TENT2: variants seen among roughly 807,000 people sequenced by gnomAD.
TENT2 encodes the protein terminal nucleotidyltransferase 2, also known as poly(A) RNA polymerase GLD2.
In TENT2, 44 loss-of-function variants were observed where a neutral mutation model predicts 72.2. That is an observed-to-expected ratio of 0.61 (90% CI 0.48 to 0.78). The LOEUF (loss-of-function observed/expected upper bound fraction) is 0.78. Among genes scored for constraint, TENT2 ranks in the 30% least tolerant of loss-of-function variants. The probability of loss-of-function intolerance (pLI) is 0.00; values close to 1 mark genes in which losing one functional copy is unlikely to be tolerated. For missense variants in TENT2, 541 were observed against 569.6 expected, an observed-to-expected ratio of 0.95 and a Z score of 0.51; for synonymous variants, 212 against 192.5, an observed-to-expected ratio of 1.10 and a Z score of -0.84.
intron 1 of TENT2, chr5:79,614,969 G>T (rs976291796): frequency 6.6e-6 from 1 of 152,160 alleles, no homozygotes; most frequent in African/African-American, 2.4e-5. Flanking sequence ...GAACGAATGC[G>T]TCGGAATGAT....
rs916009628 is a variant in TENT2 at position 79,612,629 on chromosome 5, C to G, written c.-484C>G. On this transcript the variant is annotated 5_prime_UTR_variant, in exon 1 of 15. Coordinates refer to ENST00000453514, the MANE Select transcript of TENT2 (RefSeq NM_001114394.3). ...GGTTAGATCTCAGCCGGAGCCGGAG[C>G]TGGGCCTAGCTGTCCCACGGGCCAC... 1 of 153,140 alleles carries G rather than the reference C, an allele frequency of 6.5e-6. No homozygotes were observed. The highest frequency in any genetic ancestry group is 2.4e-5 in the African/African-American group (1 of 41,470). The allele number at this position is 153,140 out of a possible 1,614,324, so 9.5% of individuals were successfully genotyped here.
intron 11 of TENT2, among the ~76,000 whole-genome samples, chr5:79,660,942 C>G (rs1165610279): frequency 6.6e-6 from 1 of 151,630 alleles, no homozygotes; most frequent in Non-Finnish European, 1.5e-5. Context: ...ACTGTGTGGG[C>G]CTAAGCTGAT....
At chr5:79,664,892 T>C (rs1806144166) in intron 11 of TENT2, among the ~76,000 whole-genome samples, 1 of 152,204 alleles carries the variant, frequency 6.6e-6, no homozygotes, top group Admixed American at 6.6e-5. Context: ...ATTAAATGCC[T>C]GCAGCTAATA....
intron 4 of TENT2, among the ~76,000 whole-genome samples, chr5:79,634,105 G>A (rs912873398): frequency 4.3e-5 from 6 of 140,664 alleles, no homozygotes; most frequent in Admixed American, 7.4e-5. Context: ...GCAGTGAGCC[G>A]AATCGTGCCA....
At chr5:79,621,985 A>G (rs910075894) in intron 3 of TENT2, among the ~76,000 whole-genome samples, 1 of 151,990 alleles carries the variant, frequency 6.6e-6, no homozygotes, top group African/African-American at 2.4e-5. Context: ...AGAAATTGAC[A>G]TAATCCCAAA....
rs1826429309 is a variant in TENT2, at chr5:79,687,592, TGACAA to T, written c.*2325_*2329del. Among the ~76,000 whole-genome samples the T allele has an allele frequency of 6.6e-6, 1 of 152,192 alleles. No homozygotes were observed. Among genetic ancestry groups the T allele is most frequent in the Admixed American group, 6.5e-5 (1 of 15,272 alleles). ...TACTGTATTGTTTAGGGAATAATAA[TGACAA>T]GACAAAAAGTCTATACCTGTTCGGT... On this transcript the variant is annotated 3_prime_UTR_variant, in exon 15 of 15. Transcript: ENST00000453514.
At chr5:79,643,332 A>G (rs1785931681) in intron 7 of TENT2, among the ~76,000 whole-genome samples, 1 of 152,228 alleles carries the variant, frequency 6.6e-6, no homozygotes, top group Non-Finnish European at 1.5e-5. Context: ...TTTTAAAAAT[A>G]TCATCACTGA....
Position 79,688,175 on chromosome 5 carries a change from C to A in TENT2, c.*2902C>A, listed in dbSNP as rs964685908. 4.6e-5 allele frequency among the ~76,000 whole-genome samples: 7 copies of A among 152,286 alleles called. No homozygotes were observed. The East Asian group carries it at 1.3e-3, about 29-fold the overall frequency. On this transcript the variant is annotated 3_prime_UTR_variant, in exon 15 of 15. Transcript: ENST00000453514. ...CGTGTAACTGGTGAATAATCCCCAG[C>A]TTACAGTCATATTTAACAACTCTGT...
chr5:79,640,772 T>C (rs1025873033), intron 4 of TENT2, 79 bp from the exon 5 acceptor site: 6 of 778,986 alleles, frequency 7.7e-6, no homozygotes, highest in African/African-American at 3.7e-5. Flanking sequence ...GTCAGTATAA[T>C]TGATTTATGC....
rs74913658 is a variant in TENT2 at position 79,656,871 on chromosome 5, C to T, written c.1028-87C>T. The T allele has an allele frequency of 2.4e-3, 2,241 of 922,336 alleles. 32 individuals carry two copies. The African/African-American group carries it at 0.033, about 14-fold the overall frequency. The allele number at this position is 922,336 out of a possible 1,614,324, so 57.1% of individuals were successfully genotyped here. A position where few individuals can be genotyped will look rare whatever the true frequency, so the allele number is the denominator to read the frequency against. On this transcript the variant is annotated intron_variant, in intron 10 of 14. Transcript: ENST00000453514. The stretch of plus-strand genomic sequence containing the variant: ...GAATTTTAGCATAAACCCTTATGGT[C>T]TTATACCTGGGATGTAGCTGACAAA...
intron 4 of TENT2, among the ~76,000 whole-genome samples, chr5:79,638,723 A>G (rs778409291): frequency 6.6e-6 from 1 of 151,974 alleles, no homozygotes; most frequent in Non-Finnish European, 1.5e-5. Context: ...TGCTGTTGGT[A>G]TTTGTCCCAC....
intron 8 of TENT2, among the ~76,000 whole-genome samples, chr5:79,647,396 A>G (rs917302299): frequency 6.6e-6 from 1 of 152,138 alleles, no homozygotes; most frequent in African/African-American, 2.4e-5. Flanking sequence ...GTTGCCATCT[A>G]TGTGTTTTTC....
intron 3 of TENT2, among the ~76,000 whole-genome samples, chr5:79,621,271 A>G (rs191864513): frequency 3.9e-5 from 6 of 152,350 alleles, no homozygotes; most frequent in East Asian, 1.9e-4. Context: ...TTAAGTAACT[A>G]CTTACTCAGA....
intron 10 of TENT2, among the ~76,000 whole-genome samples, chr5:79,656,468 G>C (rs1798048039): frequency 6.6e-6 from 1 of 151,702 alleles, no homozygotes; most frequent in African/African-American, 2.4e-5. Flanking sequence ...CAGTTTTCCT[G>C]AACGATTTCA....
At chr5:79,619,848 C>T (rs2149906859) in intron 2 of TENT2, 63 bp downstream of exon 2, 2 of 1,544,846 alleles carry the variant, frequency 1.3e-6, no homozygotes, top group Non-Finnish European at 8.8e-7. Flanking sequence ...TGACATAAAC[C>T]CTTTTTGTAT....
At position 79,657,120 on chromosome 5, in the gene TENT2, A is replaced by G. The variant is rs138786822; in HGVS notation, c.1071+119A>G. 415 of 606,140 alleles carry G rather than the reference A, an allele frequency of 6.8e-4. 2 individuals are homozygous for G. The highest frequency in any genetic ancestry group is 6.6e-3 in the African/African-American group (344 of 52,250). 37.5% of individuals were successfully genotyped at this position (606,140 alleles called of 1,614,324 possible). On this transcript the variant is annotated intron_variant, in intron 11 of 14. Coordinates refer to ENST00000453514, the MANE Select transcript of TENT2 (RefSeq NM_001114394.3). ...GGCTAAGTACATGATAACATTTTCTATATATACCAAGAGAACATTTAAAAT... is the reference window on the plus strand; with the variant it reads ...GGCTAAGTACATGATAACATTTTCTGTATATACCAAGAGAACATTTAAAAT...
rs1468804698 is a variant in TENT2, at chr5:79,686,373, T to G, written c.*1100T>G. On this transcript the variant is annotated 3_prime_UTR_variant, in exon 15 of 15. Transcript: ENST00000453514. ...AGTGTTTATTAAGGGTCTTTTTGAT[T>G]TATGTAAATATTTGTAAATTGGTCA... 1 of 152,126 alleles carries G rather than the reference T, an allele frequency of 6.6e-6. No individual in the cohort carries two copies. The highest frequency in any genetic ancestry group is 1.9e-4 in the East Asian group (1 of 5,200). 9.4% of individuals were successfully genotyped at this position (152,126 alleles called of 1,614,324 possible).
At chr5:79,654,167 C>T (rs772380522) in intron 10 of TENT2, among the ~76,000 whole-genome samples, 2 of 152,188 alleles carry the variant, frequency 1.3e-5, no homozygotes, top group Admixed American at 6.5e-5. Context: ...CACGGTGGCT[C>T]ACGCCTGTAA....
chr5:79,664,498 G>A (rs1805632305), intron 11 of TENT2, among the ~76,000 whole-genome samples: 2 of 151,850 alleles, frequency 1.3e-5, no homozygotes, highest in African/African-American at 4.8e-5. Context: ...CGGAGGCTGA[G>A]GCAGGCGAAT....
Sources: gnomAD v4.1 joint callset for allele counts (sites outside exome capture counted in the v4.1 genomes callset) on GRCh38, gnomAD v4.1.1 for gene constraint, MANE v1.5 for transcripts, NCBI Gene and HGNC (gene_info 2026-07-23, HGNC 2026-07-21) for gene names.